DTNB: variants seen among roughly 807,000 people sequenced by gnomAD.
DTNB encodes the protein DTN-B.
Under a neutral mutation model 90.7 loss-of-function variants are expected in DTNB, and 63 were observed. The ratio of observed to expected loss-of-function variants is 0.69; its 90% confidence interval spans 0.57 to 0.86. DTNB has a LOEUF of 0.86. Among genes scored for constraint, DTNB ranks in the 40% least tolerant of loss-of-function variants. DTNB has a pLI of 0.00. For synonymous variants in DTNB, 277 were observed against 286.7 expected, an observed-to-expected ratio of 0.97 and a Z score of 0.34; for missense variants, 744 against 807.1, an observed-to-expected ratio of 0.92 and a Z score of 0.95.
At chr2:25,615,765 C>T (rs142871975) in intron 4 of DTNB, among the ~76,000 whole-genome samples, 61 of 152,256 alleles carry the variant, frequency 4.0e-4, no homozygotes, top group Middle Eastern at 3.4e-3. Context: ...TCGCAAATCC[C>T]AATTGAATTC....
intron 8 of DTNB, among the ~76,000 whole-genome samples, chr2:25,554,874 AC>A (rs1442699574): frequency 6.6e-6 from 1 of 152,242 alleles, no homozygotes; most frequent in Non-Finnish European, 1.5e-5. Flanking sequence ...GTAATAAAAA[AC>A]AAAAATATAA....
At chr2:25,519,030 T>G (rs1264530126) in intron 9 of DTNB, among the ~76,000 whole-genome samples, 2 of 152,282 alleles carry the variant, frequency 1.3e-5, no homozygotes, top group South Asian at 2.1e-4. Flanking sequence ...AATGGCCCAC[T>G]GGTAAGCAAA....
chr2:25,386,760 G>C lies in DTNB; in HGVS notation c.1825+529C>G, dbSNP rs535005427. On this transcript the variant is annotated intron_variant, in intron 18 of 20. Coordinates refer to ENST00000406818, the MANE Select transcript of DTNB (RefSeq NM_021907.5). ...GATGAGCTGAACACAAGGAGCAGAAGAGGCGACAGACTCAGGTCATGAACT... is the reference window on the plus strand; with the variant it reads ...GATGAGCTGAACACAAGGAGCAGAACAGGCGACAGACTCAGGTCATGAACT... Among the ~76,000 whole-genome samples the C allele has an allele frequency of 3.3e-5, 5 of 152,340 alleles. No individual in the cohort carries two copies. In the East Asian group the frequency reaches 9.6e-4, roughly 29 times the overall value.
chr2:25,488,930 C>T (rs1431594439), intron 9 of DTNB, among the ~76,000 whole-genome samples: 5 of 152,186 alleles, frequency 3.3e-5, no homozygotes, highest in African/African-American at 7.2e-5. Context: ...GGGTTACAGG[C>T]GTGAGCCACC....
At chr2:25,412,815 G>C (rs2046930602) in intron 16 of DTNB, among the ~76,000 whole-genome samples, 1 of 152,194 alleles carries the variant, frequency 6.6e-6, no homozygotes, top group African/African-American at 2.4e-5. Context: ...AGATGAACTT[G>C]TACATCTGAA....
intron 1 of DTNB, among the ~76,000 whole-genome samples, chr2:25,664,227 T>G (rs1338186477): frequency 6.6e-6 from 1 of 152,250 alleles, no homozygotes; most frequent in East Asian, 1.9e-4. Flanking sequence ...ATTATGCATT[T>G]GACTGACAAG....
chr2:25,438,463 G>C (rs2056556154), intron 12 of DTNB, among the ~76,000 whole-genome samples: 1 of 152,180 alleles, frequency 6.6e-6, no homozygotes, highest in Non-Finnish European at 1.5e-5. Flanking sequence ...CTGAGCCATG[G>C]AGAGGAGTTT....
In DTNB at chr2:25,473,586, G is replaced by A. The variant is rs185093231; in HGVS notation, c.1079+9210C>T. On this transcript the variant is annotated intron_variant, in intron 10 of 20. Coordinates refer to ENST00000406818, the MANE Select transcript of DTNB (RefSeq NM_021907.5). ...TGCTAGAGAGAAAAGGGGTGTGTGC[G>A]CATGTATGCATGTCAGGTTCTACTG... Among the ~76,000 whole-genome samples the A allele has an allele frequency of 3.7e-3, 562 of 152,258 alleles. 1 individual carries two copies. The highest frequency in any genetic ancestry group is 5.8e-3 in the Admixed American group (88 of 15,296).
intron 7 of DTNB, 81 bp downstream of exon 7, chr2:25,580,640 T>G (rs1470916421): frequency 8.7e-6 from 11 of 1,266,236 alleles, no homozygotes; most frequent in Non-Finnish European, 1.3e-5. Flanking sequence ...TTCAATGATA[T>G]TAATAGCTAA....
At chr2:25,670,186 A>T (rs1243879540) in intron 1 of DTNB, among the ~76,000 whole-genome samples, 3 of 152,220 alleles carry the variant, frequency 2.0e-5, no homozygotes, top group African/African-American at 7.2e-5. Context: ...CTGTTAGGGG[A>T]AAAAACTGCA....
intron 8 of DTNB, among the ~76,000 whole-genome samples, chr2:25,550,385 T>C (rs898691691): frequency 6.6e-6 from 1 of 151,996 alleles, no homozygotes; most frequent in Non-Finnish European, 1.5e-5. Flanking sequence ...AGCGAGACTC[T>C]GTCTCAAAAA....
At chr2:25,668,186 C>T (rs1559451872) in intron 1 of DTNB, among the ~76,000 whole-genome samples, 1 of 152,102 alleles carries the variant, frequency 6.6e-6, no homozygotes, top group Non-Finnish European at 1.5e-5. Context: ...TCGCAGTGAG[C>T]CGAGATCGCG....
chr2:25,619,997 G>T (rs981034976), intron 4 of DTNB, among the ~76,000 whole-genome samples: 1 of 151,874 alleles, frequency 6.6e-6, no homozygotes, highest in Non-Finnish European at 1.5e-5. Context: ...CTGAGATCGC[G>T]CCACTGCACT....
At chr2:25,515,113 T>C (rs2074810973) in intron 9 of DTNB, among the ~76,000 whole-genome samples, 1 of 152,018 alleles carries the variant, frequency 6.6e-6, no homozygotes. Context: ...AAGATGACTG[T>C]GCCCTATACA....
chr2:25,541,639 C>G (rs1235101685), intron 8 of DTNB, among the ~76,000 whole-genome samples: 1 of 152,166 alleles, frequency 6.6e-6, no homozygotes, highest in African/African-American at 2.4e-5. Flanking sequence ...TTTGCCCCCT[C>G]CCTCCAGCCC....
At chr2:25,456,733 AT>A (rs2060097543) in intron 10 of DTNB, among the ~76,000 whole-genome samples, 1 of 151,384 alleles carries the variant, frequency 6.6e-6, no homozygotes, top group Non-Finnish European at 1.5e-5. Context: ...CCACCAGCTA[AT>A]TTTTGTATTT....
At chr2:25,564,807 A>T (rs989100523) in intron 8 of DTNB, among the ~76,000 whole-genome samples, 1 of 152,024 alleles carries the variant, frequency 6.6e-6, no homozygotes, top group Non-Finnish European at 1.5e-5. Flanking sequence ...TCTTAATTTC[A>T]TTTTCAGATT....
intron 9 of DTNB, among the ~76,000 whole-genome samples, chr2:25,525,409 G>A (rs1307804189): frequency 6.6e-6 from 1 of 152,148 alleles, no homozygotes; most frequent in Admixed American, 6.5e-5. Flanking sequence ...GGCTGAGGCA[G>A]GTGGATCACC....
At chr2:25,601,762 C>T (rs951826236) in intron 5 of DTNB, among the ~76,000 whole-genome samples, 4 of 152,186 alleles carry the variant, frequency 2.6e-5, no homozygotes, top group Non-Finnish European at 5.9e-5. Flanking sequence ...CATGCACACA[C>T]ATCTGTATGT....
Sources: allele counts gnomAD v4.1 joint callset (sites outside exome capture counted in the v4.1 genomes callset), GRCh38; gene constraint gnomAD v4.1.1; transcripts MANE v1.5; gene names NCBI Gene and HGNC (gene_info 2026-07-23, HGNC 2026-07-21).